Variants in CACTIN observed in about 807,000 individuals in gnomAD.
CACTIN encodes splicing factor Cactin.
A neutral mutation model predicts 84.9 loss-of-function variants in CACTIN; 20 were observed. That is an observed-to-expected ratio of 0.24 (90% confidence interval 0.17 to 0.34). CACTIN has a LOEUF of 0.34. CACTIN is among the 10% of genes least tolerant of loss of function. The pLI is 1.00. For missense variants in CACTIN, 897 were observed against 1,117.2 expected (o/e 0.80, Z 2.81); for synonymous variants, 549 against 467.9 (o/e 1.17, Z -2.24).
chr19:3,623,612 A>T, intron 2 of CACTIN, 76 bp downstream of exon 2: 1 of 1,284,202 alleles, frequency 7.8e-7, no homozygotes, highest in Non-Finnish European at 1.1e-6. Context: ...GCAGGCTGGG[A>T]GTGTCTCAAG....
chr19:3,612,096 T>C lies in CACTIN; in HGVS notation c.2104A>G (p.Asn702Asp). ...AAGCGCAGGATGGCGAAATCCTTGT[T>C]GTCGGCGCAGGCCTCCAGGAAGTAC... The part of the protein sequence containing the change: ...PEYFLEACAD[N>D]KDFAILRFHA... The change falls in exon 10 of 10, where the codon AAC (asparagine) becomes GAC (aspartate). Residue 702 changes from asparagine (N) to aspartate (D), a missense_variant. This residue lies in a region of CACTIN where 50 missense variants were observed against 51.6 expected (regional missense o/e 0.97). Coordinates refer to ENST00000429344, the MANE Select transcript of CACTIN (RefSeq NM_001080543.2). 4.3e-6 allele frequency: 7 copies of C among 1,613,850 alleles called. No individual in the cohort carries two copies. The highest frequency in any genetic ancestry group is 1.3e-5 in the African/African-American group (1 of 75,074).
At position 3,613,308 on chromosome 19, in the gene CACTIN, G is replaced by T; in HGVS notation, c.1536C>A (p.Pro512=). ...TCGCGCCGTCCACCTCGGCCTCCGC[G>T]GGGCCGCCCTCCGAGGAGGGCCCGG... ...TPPGPSSEGG[P]AEAEVDGATP... Residue 512 remains proline, a synonymous_variant, in exon 9 of 10, where the codon CCC becomes CCA. Transcript: ENST00000429344. 2 of 1,584,398 alleles carry T rather than the reference G, an allele frequency of 1.3e-6. No individual in the cohort carries two copies. Among genetic ancestry groups the T allele is most frequent in the Non-Finnish European group, 1.7e-6 (2 of 1,170,952 alleles).
At position 3,611,789 on chromosome 19, in the gene CACTIN, G is replaced by A. The variant is rs1164857334; in HGVS notation, c.*134C>T. ...AGGAGGAAACTGAGGCCTGGCGAAA[G>A]AAAGATGCGGCCTGAGGTGGGACGT... On this transcript the variant is annotated 3_prime_UTR_variant, in exon 10 of 10. Coordinates refer to ENST00000429344, the MANE Select transcript of CACTIN (RefSeq NM_001080543.2). The A allele has an allele frequency of 1.7e-6, 2 of 1,164,432 alleles. No homozygotes were observed. Among genetic ancestry groups the A allele is most frequent in the Admixed American group, 2.0e-5 (1 of 50,416 alleles). The allele number at this position is 1,164,432 out of a possible 1,614,324, so 72.1% of individuals were successfully genotyped here. A position where few individuals can be genotyped will look rare whatever the true frequency, so the allele number is the denominator to read the frequency against.
At chr19:3,622,789 C>A (rs2033251527) in intron 2 of CACTIN, among the ~76,000 whole-genome samples, 1 of 152,216 alleles carries the variant, frequency 6.6e-6, no homozygotes, top group African/African-American at 2.4e-5. Flanking sequence ...AACGAAAGAA[C>A]CAGCTCAGAC....
At position 3,624,246 on chromosome 19, in the gene CACTIN, C is replaced by G. The variant is rs1260899337; in HGVS notation, c.168-84G>C. The stretch of plus-strand genomic sequence containing the variant: ...TGCTTACTGGGTGCCCGTGGGGGAG[C>G]AGGCACTGTTCTAGGTTCTGGGGAC... On this transcript the variant is annotated intron_variant, in intron 1 of 9. Coordinates refer to ENST00000429344, the MANE Select transcript of CACTIN (RefSeq NM_001080543.2). The G allele has an allele frequency of 6.3e-6, 8 of 1,260,074 alleles. No homozygotes were observed. The South Asian group carries it at 9.8e-5, about 15-fold the overall frequency. The allele number at this position is 1,260,074 out of a possible 1,614,324, so 78.1% of individuals were successfully genotyped here.
rs753854187 is a variant in CACTIN, at chr19:3,613,306, G to C, written c.1538C>G (p.Ala513Gly). The C allele has an allele frequency of 6.3e-7, 1 of 1,587,368 alleles. No homozygotes were observed. Among genetic ancestry groups the C allele is most frequent in the Admixed American group, 1.7e-5 (1 of 57,724 alleles). ...GGTCGCGCCGTCCACCTCGGCCTCC[G>C]CGGGGCCGCCCTCCGAGGAGGGCCC... is the stretch of plus-strand genomic sequence containing the variant. ...PPGPSSEGGP[A>G]EAEVDGATPT... Residue 513 changes from alanine to glycine, a missense_variant, in exon 9 of 10, where the codon GCG becomes GGG. Around this residue, in one of 8 missense-constraint regions of CACTIN, gnomAD observed 243 missense variants for 239.9 expected, o/e 1.01. Coordinates refer to ENST00000429344, the MANE Select transcript of CACTIN (RefSeq NM_001080543.2).
intron 1 of CACTIN, among the ~76,000 whole-genome samples, chr19:3,625,727 A>G (rs1421605031): frequency 6.6e-6 from 1 of 152,226 alleles, no homozygotes; most frequent in Non-Finnish European, 1.5e-5. Flanking sequence ...ACTCCGTCTC[A>G]AAAACAAACA....
intron 6 of CACTIN, chr19:3,616,435 C>T (rs2033108089): frequency 6.6e-6 from 1 of 151,872 alleles, no homozygotes; most frequent in Non-Finnish European, 1.5e-5. Flanking sequence ...ATCGTGAAAC[C>T]CTGTCTCTAC....
In CACTIN at chr19:3,619,202, C is replaced by T. The variant is rs780261607; in HGVS notation, c.925G>A (p.Asp309Asn). 1.2e-6 allele frequency: 2 copies of T among 1,613,482 alleles called. No individual in the cohort carries two copies. Among genetic ancestry groups the T allele is most frequent in the Non-Finnish European group, 8.5e-7 (1 of 1,179,808 alleles). ...GCGCTGATGTACTTGGCCAGCAGGT[C>T]GATGGGCTTGGCCCGCCCGTCCCGG... Reference protein sequence around the residue: ...RIRDGRAKPIDLLAKYISAED... With the variant: ...RIRDGRAKPINLLAKYISAED... The change falls in exon 5 of 10, where the codon GAC (aspartate) becomes AAC (asparagine). Residue 309 changes from aspartate (D) to asparagine (N), a missense_variant. By Grantham distance (23) the Asp-to-Asn change is conservative. Coordinates refer to ENST00000429344, the MANE Select transcript of CACTIN (RefSeq NM_001080543.2).
At chr19:3,619,614 G>A (rs2033180470) in intron 4 of CACTIN, among the ~76,000 whole-genome samples, 1 of 152,140 alleles carries the variant, frequency 6.6e-6, no homozygotes, top group Non-Finnish European at 1.5e-5. Context: ...TCACTGCCTT[G>A]CAACCACCTC....
At chr19:3,620,450 A>G (rs1460517335) in intron 3 of CACTIN, 178 bp from the exon 4 acceptor site, 1 of 797,836 alleles carries the variant, frequency 1.3e-6, no homozygotes, top group Non-Finnish European at 2.1e-6. Flanking sequence ...CCTGCCCGAG[A>G]CTCAGCAGCT....
chr19:3,620,988 T>C (rs757368910), intron 2 of CACTIN, 186 bp from the exon 3 acceptor site: 94 of 696,184 alleles, frequency 1.4e-4, no homozygotes, highest in Non-Finnish European at 2.4e-4. Context: ...AGTGCAGACA[T>C]GGAGCCCCCA....
chr19:3,625,609 TA>T (rs1286318162), intron 1 of CACTIN, among the ~76,000 whole-genome samples: 1 of 152,196 alleles, frequency 6.6e-6, no homozygotes, highest in African/African-American at 2.4e-5. Flanking sequence ...CAAGCACCTG[TA>T]ACCCCAGCTA....
intron 7 of CACTIN, 24 bp downstream of exon 7, chr19:3,614,373 C>CTGG: frequency 6.4e-7 from 1 of 1,555,494 alleles, no homozygotes; most frequent in Non-Finnish European, 8.7e-7. Flanking sequence ...GGCACCAACC[C>CTGG]TGGTACCCGC....
At chr19:3,613,430 G>A (rs1168743563) in intron 8 of CACTIN, 34 bp downstream of exon 8, 2 of 1,551,240 alleles carry the variant, frequency 1.3e-6, no homozygotes, top group Non-Finnish European at 1.7e-6. Context: ...CTCCGCGTCT[G>A]CATCGGCGTC....
intron 9 of CACTIN, chr19:3,612,789 G>C: frequency 1.4e-6 from 1 of 703,428 alleles, no homozygotes; most frequent in South Asian, 1.5e-5. Context: ...TCTTAGGACG[G>C]AGGCTGCCCA....
intron 1 of CACTIN, among the ~76,000 whole-genome samples, chr19:3,625,098 C>T (rs1282484737): frequency 6.6e-6 from 1 of 152,090 alleles, no homozygotes; most frequent in Admixed American, 6.5e-5. Context: ...TGCTATGTTG[C>T]CCAGGCTGGT....
rs970709396 is a variant in CACTIN at position 3,620,594 on chromosome 19, T to C, written c.738+113A>G. ...CTGAGCCCCTGGATCCAGCCTTACCTGAAGCCAGCCCCCAGGACTTCCCAC... is the reference window on the plus strand; with the variant it reads ...CTGAGCCCCTGGATCCAGCCTTACCCGAAGCCAGCCCCCAGGACTTCCCAC... On this transcript the variant is annotated intron_variant, in intron 3 of 9. Transcript: ENST00000429344. 8 of 817,358 alleles carry C rather than the reference T, an allele frequency of 9.8e-6. No individual in the cohort carries two copies. In the Admixed American group the frequency reaches 1.9e-4, roughly 20 times the overall value. The allele number at this position is 817,358 out of a possible 1,614,324, so 50.6% of individuals were successfully genotyped here.
intron 3 of CACTIN, 74 bp from the exon 4 acceptor site, chr19:3,620,346 TG>T: frequency 1.4e-6 from 2 of 1,466,214 alleles, no homozygotes; most frequent in African/African-American, 1.4e-5. Flanking sequence ...GCTGTGATGA[TG>T]GGGGCCCAGC....
Sources: gnomAD v4.1 joint callset for allele counts (sites outside exome capture counted in the v4.1 genomes callset) on GRCh38, gnomAD v4.1.1 for gene constraint, gnomAD v4.1.1 regional missense constraint, MANE v1.5 for transcripts, NCBI Gene and HGNC (gene_info 2026-07-23, HGNC 2026-07-21) for gene names.